VCL: variants seen among roughly 807,000 people sequenced by gnomAD.
The protein encoded by VCL is epididymis luminal protein 114.
VCL carries 47 observed loss-of-function variants against 125.7 expected under a neutral mutation model. The observed-to-expected ratio is 0.37, with a 90% CI of 0.30 to 0.48. The LOEUF is 0.48. Ranked by LOEUF, VCL falls within the 20% of genes least tolerant of loss-of-function variation. The pLI is 0.99. For missense variants in VCL, 1,069 were observed against 1,455.5 expected, an observed-to-expected ratio of 0.73 and a Z score of 4.32; for synonymous variants, 458 against 514.6, an observed-to-expected ratio of 0.89 and a Z score of 1.49.
chr10:74,074,897 C>T lies in VCL; in HGVS notation c.777C>T (p.Ala259=), dbSNP rs1338266681. 6.2e-7 allele frequency: 1 copy of T among 1,613,998 alleles called. No homozygotes were observed. The highest frequency in any genetic ancestry group is 8.5e-7 in the Non-Finnish European group (1 of 1,180,016). ...QLTSWDEDAW[A]SKDTEAMKRA... Reference sequence around the variant, plus strand: ...CCTCTTGGGATGAAGATGCCTGGGCCAGCAAGGTACGTGTTCTTAGTGGAG... The same window carrying T: ...CCTCTTGGGATGAAGATGCCTGGGCTAGCAAGGTACGTGTTCTTAGTGGAG... Residue 259 remains alanine (A), a synonymous_variant, in exon 6 of 22, where the codon GCC becomes GCT. Transcript: ENST00000211998.
rs577147472 is a variant in VCL, at chr10:74,009,672, T to C, written c.168+11297T>C. ...TCACTCTGTTGCCCAGGCTATGGCA[T>C]GATCTTGACTCACTGCAACCTCCAC... is the stretch of plus-strand genomic sequence containing the variant. On this transcript the variant is annotated intron_variant, in intron 1 of 21. Coordinates refer to ENST00000211998, the MANE Select transcript of VCL (RefSeq NM_014000.3). 3.2e-3 allele frequency among the ~76,000 whole-genome samples: 480 copies of C among 151,702 alleles called. 1 individual carries two copies. The highest frequency in any genetic ancestry group is 0.011 in the African/African-American group (451 of 41,342).
At chr10:74,073,041 A>G (rs1278929854) in intron 5 of VCL, among the ~76,000 whole-genome samples, 189 bp downstream of exon 5, 2 of 151,568 alleles carry the variant, frequency 1.3e-5, no homozygotes, top group African/African-American at 4.8e-5. Context: ...CCTGGGTTCA[A>G]GCGATTCTCC....
intron 21 of VCL, 101 bp from the exon 22 acceptor site, chr10:74,117,922 A>G: frequency 3.3e-6 from 5 of 1,517,290 alleles, no homozygotes; most frequent in Middle Eastern, 2.3e-4. Flanking sequence ...GATGCCAGGT[A>G]CCAGTGGGGT....
At position 74,097,263 on chromosome 10, in the gene VCL, T is replaced by A. The variant is rs1235063893; in HGVS notation, c.1803T>A (p.Asp601Glu). 2.5e-6 allele frequency: 4 copies of A among 1,614,054 alleles called. No homozygotes were observed. Among genetic ancestry groups the A allele is most frequent in the Non-Finnish European group, 3.4e-6 (4 of 1,180,020 alleles). ...MTQEVSDVFSDTTTPIKLLAV... is the reference protein window; with the variant it reads ...MTQEVSDVFSETTTPIKLLAV... The stretch of plus-strand genomic sequence containing the variant: ...AGGAAGTGTCAGATGTTTTCAGCGA[T>A]ACCACAACTCCCATCAAGCTGTTGG... The change falls in exon 13 of 22, where the codon GAT becomes GAA. Residue 601 changes from aspartate (D) to glutamate (E), a missense_variant. Coordinates refer to ENST00000211998, the MANE Select transcript of VCL (RefSeq NM_014000.3). This position sits in a 1 kb window ranked among gnomAD's most constrained non-coding sequence, Gnocchi z 4.1.
At position 74,090,722 on chromosome 10, in the gene VCL, C is replaced by T. The variant is rs115531952; in HGVS notation, c.1352+524C>T. 5.3e-3 allele frequency among the ~76,000 whole-genome samples: 806 copies of T among 152,260 alleles called. 6 individuals carry two copies. The highest frequency in any genetic ancestry group is 0.018 in the African/African-American group (753 of 41,546). On this transcript the variant is annotated intron_variant, in intron 10 of 21. Transcript: ENST00000211998. ...TTTTCTTGTAACAACAGCCTCCCCACAGCCTCCTCTCCTAAAGTCTCTCAT... is the reference window on the plus strand; with the variant it reads ...TTTTCTTGTAACAACAGCCTCCCCATAGCCTCCTCTCCTAAAGTCTCTCAT...
intron 1 of VCL, among the ~76,000 whole-genome samples, chr10:74,013,393 T>C (rs1214983553): frequency 6.6e-6 from 1 of 152,108 alleles, no homozygotes. Flanking sequence ...TTATACAGAA[T>C]ATGTAAGTGT....
At chr10:74,043,266 T>C (rs887155519) in intron 2 of VCL, 113 bp downstream of exon 2, 2 of 988,288 alleles carry the variant, frequency 2.0e-6, no homozygotes, top group Non-Finnish European at 3.1e-6. Context: ...TTGTTTACAA[T>C]TGAAATTTCA....
chr10:74,036,447 C>T (rs1840979448), intron 1 of VCL, among the ~76,000 whole-genome samples: 1 of 152,154 alleles, frequency 6.6e-6, no homozygotes, highest in Non-Finnish European at 1.5e-5. Context: ...AGGTGATCCA[C>T]CCGCCTTGGC....
At chr10:74,087,535 G>GTTTT (rs1839804570) in intron 8 of VCL, among the ~76,000 whole-genome samples, 4 of 134,920 alleles carry the variant, frequency 3.0e-5, no homozygotes, top group Non-Finnish European at 4.7e-5. Context: ...TTTTTTTTTG[G>GTTTT]ATTTTTAGTA....
chr10:74,084,459 T>A (rs1174737184), intron 8 of VCL, among the ~76,000 whole-genome samples: 2 of 151,280 alleles, frequency 1.3e-5, no homozygotes, highest in African/African-American at 4.9e-5. Context: ...ACCTGGCTAA[T>A]TTTTTATAAT....
intron 1 of VCL, among the ~76,000 whole-genome samples, chr10:74,016,533 C>G (rs1162267665): frequency 6.6e-6 from 1 of 151,968 alleles, no homozygotes; most frequent in Non-Finnish European, 1.5e-5. Context: ...ATTGCTTGAG[C>G]TGGAGATCGT....
rs1203001120 is a variant in VCL at position 74,101,027 on chromosome 10, G to C, written c.1952G>C (p.Gly651Ala). ...GATAEKAAAVGTANKSTVEGI... is the reference protein window; with the variant it reads ...GATAEKAAAVATANKSTVEGI... Reference sequence around the variant, plus strand: ...ACGGCCGAGAAGGCGGCTGCGGTTGGTACTGCTAATAAATCAACAGTGGAA... The same window carrying C: ...ACGGCCGAGAAGGCGGCTGCGGTTGCTACTGCTAATAAATCAACAGTGGAA... The change falls in exon 14 of 22, where the codon GGT (glycine) becomes GCT (alanine). Residue 651 changes from glycine to alanine, a missense_variant. By Grantham distance (60) the Gly-to-Ala change is moderately conservative. This residue lies in a region of VCL where 760 missense variants were observed against 928.9 expected (regional missense o/e 0.82). Transcript: ENST00000211998. 1 of 1,613,948 alleles carries C rather than the reference G, an allele frequency of 6.2e-7. No individual in the cohort carries two copies. The highest frequency in any genetic ancestry group is 8.5e-7 in the Non-Finnish European group (1 of 1,179,914).
At chr10:74,093,605 A>G (rs1188730346) in intron 10 of VCL, among the ~76,000 whole-genome samples, 1 of 151,898 alleles carries the variant, frequency 6.6e-6, no homozygotes, top group African/African-American at 2.4e-5. Flanking sequence ...CTTGGGAAAC[A>G]TCGGGAGAAT....
chr10:74,105,448 A>C, intron 16 of VCL, 95 bp downstream of exon 16: 1 of 1,503,474 alleles, frequency 6.7e-7, no homozygotes, highest in Non-Finnish European at 9.2e-7. Flanking sequence ...CCACATACAA[A>C]GTCTGGGGGC....
At position 74,118,177 on chromosome 10, in the gene VCL, G is replaced by C; in HGVS notation, c.*8G>C. 8 of 1,614,052 alleles carry C rather than the reference G, an allele frequency of 5.0e-6. No individual in the cohort carries two copies. Among genetic ancestry groups the C allele is most frequent in the Non-Finnish European group, 6.8e-6 (8 of 1,179,984 alleles). ...ACTCCCTGGTACCAGTAGGCACCTGGCTGAGCCTGGCTGGCACAGAAACCT... is the reference window on the plus strand; with the variant it reads ...ACTCCCTGGTACCAGTAGGCACCTGCCTGAGCCTGGCTGGCACAGAAACCT... On this transcript the variant is annotated 3_prime_UTR_variant, in exon 22 of 22. Transcript: ENST00000211998.
chr10:74,030,682 G>A (rs545179413), intron 1 of VCL, among the ~76,000 whole-genome samples: 2 of 152,342 alleles, frequency 1.3e-5, no homozygotes, highest in Non-Finnish European at 2.9e-5. Context: ...TTGGGTTCCA[G>A]TAATGTTTTT....
rs544776424 is a variant in VCL at position 74,065,150 on chromosome 10, T to C, written c.240-5520T>C. On this transcript the variant is annotated intron_variant, in intron 2 of 21. Coordinates refer to ENST00000211998, the MANE Select transcript of VCL (RefSeq NM_014000.3). ...ATAATCCCAGCACTTTTTTTTTTTT[T>C]TTTTCAGACTGAGTCTCACTCTGTC... 3.3e-5 allele frequency among the ~76,000 whole-genome samples: 5 copies of C among 151,586 alleles called. No homozygotes were observed. The East Asian group carries it at 5.8e-4, about 18-fold the overall frequency.
In VCL at chr10:74,097,290, A is replaced by C. The variant is rs755136660; in HGVS notation, c.1830A>C (p.Ala610=). ...SDTTTPIKLL[A]VAATAPPDAP... ...CCACAACTCCCATCAAGCTGTTGGC[A>C]GTGGCAGCCACGGCGCCTCCTGATG... Residue 610 remains alanine, a synonymous_variant, in exon 13 of 22, where the codon GCA becomes GCC. Coordinates refer to ENST00000211998, the MANE Select transcript of VCL (RefSeq NM_014000.3). This position sits in a 1 kb window ranked among gnomAD's most constrained non-coding sequence, Gnocchi z 4.1. 1 of 1,614,052 alleles carries C rather than the reference A, an allele frequency of 6.2e-7. No individual in the cohort carries two copies. The highest frequency in any genetic ancestry group is 8.5e-7 in the Non-Finnish European group (1 of 1,179,964).
chr10:74,058,292 C>T (rs1005416597), intron 2 of VCL, among the ~76,000 whole-genome samples: 8 of 152,118 alleles, frequency 5.3e-5, no homozygotes, highest in African/African-American at 1.9e-4. Context: ...TCCCAAGTGT[C>T]GTCGTAGCCT....
Sources: allele counts gnomAD v4.1 joint callset (sites outside exome capture counted in the v4.1 genomes callset), GRCh38; gene constraint gnomAD v4.1.1; regional missense constraint gnomAD v4.1.1; non-coding constraint Gnocchi (gnomAD v3.1); transcripts MANE v1.5; gene names NCBI Gene and HGNC (gene_info 2026-07-23, HGNC 2026-07-21).